The following DNER variants were observed in gnomAD, a reference collection of about 807,000 sequenced individuals.
The protein encoded by DNER is delta/notch like EGF repeat containing.
DNER carries 33 observed loss-of-function variants against 78.2 expected under a neutral mutation model. The observed-to-expected ratio is 0.42, with a 90% confidence interval of 0.32 to 0.56. The LOEUF (loss-of-function observed/expected upper bound fraction) is 0.56, where lower values mean the gene tolerates loss of function less well. Among genes scored for constraint, DNER ranks in the 20% least tolerant of loss-of-function variants. DNER has a pLI of 0.11. For synonymous variants in DNER, 417 were observed against 384.8 expected (o/e 1.08, Z -0.98); for missense variants, 918 against 975.3 (o/e 0.94, Z 0.78).
chr2:229,546,805 A>G, intron 5 of DNER, 142 bp downstream of exon 5: 3 of 830,136 alleles, frequency 3.6e-6, no homozygotes, highest in Non-Finnish European at 5.0e-6. Context: ...AGATAGATAG[A>G]CAGACAGACA....
At chr2:229,441,867 C>T (rs973336192) in intron 8 of DNER, among the ~76,000 whole-genome samples, 2 of 152,208 alleles carry the variant, frequency 1.3e-5, no homozygotes, top group African/African-American at 4.8e-5. Context: ...CTAACGACCT[C>T]AAGGTCTACC....
intron 6 of DNER, among the ~76,000 whole-genome samples, chr2:229,482,272 G>A (rs1695176910): frequency 6.6e-6 from 1 of 152,208 alleles, no homozygotes; most frequent in African/African-American, 2.4e-5. Flanking sequence ...CAGGACTCCA[G>A]CAATGGTCGC....
chr2:229,400,248 AT>A (rs2106341156), intron 10 of DNER, among the ~76,000 whole-genome samples: 1 of 152,198 alleles, frequency 6.6e-6, no homozygotes, highest in South Asian at 2.1e-4. Flanking sequence ...GTTTAGCTTA[AT>A]ATAGACAAAG....
intron 1 of DNER, among the ~76,000 whole-genome samples, chr2:229,668,469 CAT>C (rs1303747509): frequency 8.0e-6 from 1 of 124,566 alleles, no homozygotes; most frequent in Non-Finnish European, 1.7e-5. Context: ...TAAAAGAAGA[CAT>C]ATATATAGGT....
At chr2:229,661,292 G>A (rs1699006121) in intron 1 of DNER, among the ~76,000 whole-genome samples, 2 of 151,980 alleles carry the variant, frequency 1.3e-5, no homozygotes, top group African/African-American at 4.8e-5. Flanking sequence ...CAAATCTCCT[G>A]TACACCAGTC....
intron 8 of DNER, among the ~76,000 whole-genome samples, chr2:229,432,673 A>C (rs6713048): frequency 0.18 from 27,788 of 152,076 alleles, 2,761 homozygotes; most frequent in South Asian, 0.38. Flanking sequence ...CCACCTGGGA[A>C]CTAGTTAGAA....
At chr2:229,361,969 A>C (rs955793984) in intron 12 of DNER, among the ~76,000 whole-genome samples, 3 of 152,214 alleles carry the variant, frequency 2.0e-5, no homozygotes, top group Non-Finnish European at 4.4e-5. Flanking sequence ...GAAGTAGCTC[A>C]TGGCCCACGA....
In DNER at chr2:229,432,734, G is replaced by A. The variant is rs145551328; in HGVS notation, c.1487-14504C>T. ...GACCCGCTGATTCAGGGACTCTAAG[G>A]GTAGGGCCCAGAACTCCATGACTTA... is the stretch of plus-strand genomic sequence containing the variant. On this transcript the variant is annotated intron_variant, in intron 8 of 12. Transcript: ENST00000341772. 1.2e-3 allele frequency among the ~76,000 whole-genome samples: 180 copies of A among 152,146 alleles called. 1 individual carries two copies. The highest frequency in any genetic ancestry group is 4.0e-3 in the African/African-American group (167 of 41,506).
At chr2:229,381,528 C>T (rs909169308) in intron 11 of DNER, among the ~76,000 whole-genome samples, 6 of 152,190 alleles carry the variant, frequency 3.9e-5, no homozygotes, top group African/African-American at 1.4e-4. Flanking sequence ...GATCCACTGG[C>T]TTGAAATTCT....
chr2:229,492,867 C>T (rs996320166), intron 6 of DNER, among the ~76,000 whole-genome samples: 17 of 152,232 alleles, frequency 1.1e-4, no homozygotes, highest in African/African-American at 3.6e-4. Context: ...GACAGGATTT[C>T]GCTATGTTGC....
At chr2:229,474,305 T>C (rs1294600527) in intron 7 of DNER, among the ~76,000 whole-genome samples, 1 of 152,208 alleles carries the variant, frequency 6.6e-6, no homozygotes, top group Non-Finnish European at 1.5e-5. Context: ...GAGAGGCAGC[T>C]TAAAAAATGC....
intron 1 of DNER, among the ~76,000 whole-genome samples, chr2:229,693,316 T>G (rs1699612002): frequency 1.3e-5 from 2 of 151,902 alleles, no homozygotes; most frequent in African/African-American, 4.8e-5. Context: ...AAAACTGAGT[T>G]AATTAAACCT....
intron 1 of DNER, among the ~76,000 whole-genome samples, chr2:229,667,387 A>G (rs979866155): frequency 1.3e-5 from 2 of 152,192 alleles, no homozygotes; most frequent in African/African-American, 4.8e-5. Context: ...AAAGGAAGCG[A>G]TGTATGAGGC....
intron 5 of DNER, among the ~76,000 whole-genome samples, chr2:229,518,577 A>AG (rs1696030641): frequency 6.6e-6 from 1 of 152,234 alleles, no homozygotes; most frequent in Non-Finnish European, 1.5e-5. Flanking sequence ...AATTGCACAT[A>AG]GGTGGAATTC....
intron 4 of DNER, among the ~76,000 whole-genome samples, chr2:229,571,643 G>C (rs528480347): frequency 6.6e-6 from 1 of 152,174 alleles, no homozygotes; most frequent in Admixed American, 6.5e-5. Flanking sequence ...ACTGCCCACT[G>C]AATGCCAAAA....
At chr2:229,582,131 A>T (rs1442335944) in intron 4 of DNER, among the ~76,000 whole-genome samples, 2 of 152,214 alleles carry the variant, frequency 1.3e-5, no homozygotes, top group African/African-American at 4.8e-5. Flanking sequence ...ACGCCACTGT[A>T]CTCTTAAAAA....
At chr2:229,450,209 G>A (rs1290558106) in intron 7 of DNER, among the ~76,000 whole-genome samples, 2 of 152,228 alleles carry the variant, frequency 1.3e-5, no homozygotes, top group Non-Finnish European at 2.9e-5. Context: ...ACACAGAGAA[G>A]AGAAGTGATC....
chr2:229,456,854 C>T (rs1265206460), intron 7 of DNER, among the ~76,000 whole-genome samples: 1 of 151,664 alleles, frequency 6.6e-6, no homozygotes, highest in East Asian at 1.9e-4. Context: ...ATCAAATATA[C>T]AGGAATGTCA....
At chr2:229,491,275 T>G (rs2080803) in intron 6 of DNER, among the ~76,000 whole-genome samples, 18,989 of 152,204 alleles carry the variant, frequency 0.12, 1,329 homozygotes, top group South Asian at 0.2. Flanking sequence ...ACGAGGTGCA[T>G]GCAGATTCAG....
Sources: allele counts gnomAD v4.1 joint callset (sites outside exome capture counted in the v4.1 genomes callset), GRCh38; gene constraint gnomAD v4.1.1; transcripts MANE v1.5; gene names NCBI Gene and HGNC (gene_info 2026-07-23, HGNC 2026-07-21).